PGA5: variants seen among roughly 807,000 people sequenced by gnomAD.
PGA5 encodes pepsinogen A5, also known as pepsin A-5.
In PGA5, 19 loss-of-function variants were observed where a neutral mutation model predicts 15.9. The ratio of observed to expected loss-of-function variants is 1.19; its 90% CI spans 0.83 to 1.75. The LOEUF (loss-of-function observed/expected upper bound fraction) is 1.75, where lower values mean the gene tolerates loss of function less well. Ranked by LOEUF, PGA5 falls within the 40% of genes most tolerant of loss-of-function variation. The probability of loss-of-function intolerance (pLI) is 0.00; values close to 1 mark genes in which losing one functional copy is unlikely to be tolerated. For synonymous variants in PGA5, 92 were observed against 95.8 expected, an observed-to-expected ratio of 0.96 and a Z score of 0.23; for missense variants, 224 against 246.4, an observed-to-expected ratio of 0.91 and a Z score of 0.61.
At chr11:61,247,721 A>C (rs1854083218) in intron 5 of PGA5, among the ~76,000 whole-genome samples, 1 of 152,058 alleles carries the variant, frequency 6.6e-6, no homozygotes, top group Admixed American at 6.5e-5. Flanking sequence ...CTTCTTGGCC[A>C]GTTAATGTTC....
At chr11:61,250,130 C>T (rs563969762) in intron 8 of PGA5, 116 bp downstream of exon 8, 37 of 1,143,066 alleles carry the variant, frequency 3.2e-5, no homozygotes, top group East Asian at 1.8e-4. Flanking sequence ...CAGAGGCAGA[C>T]GAACATCTGC....
chr11:61,247,401 C>T (rs1210116285), intron 5 of PGA5, among the ~76,000 whole-genome samples: 1 of 151,754 alleles, frequency 6.6e-6, no homozygotes, highest in African/African-American at 2.4e-5. Flanking sequence ...CCTCAGCATC[C>T]CGAGTAGCTG....
chr11:61,250,844 C>T, intron 8 of PGA5: 2 of 658,318 alleles, frequency 3.0e-6, no homozygotes, highest in Middle Eastern at 2.4e-4. Context: ...TCCTTCCTAG[C>T]AGCTGAATTC....
Position 61,249,457 on chromosome 11 carries a change from G to A in PGA5, c.774-212G>A, listed in dbSNP as rs573070613. The A allele has an allele frequency of 1.7e-4, 168 of 971,714 alleles. 2 individuals are homozygous for A. In the African/African-American group the frequency reaches 1.9e-3, roughly 11 times the overall value. The allele number at this position is 971,714 out of a possible 1,614,324, so 60.2% of individuals were successfully genotyped here. On this transcript the variant is annotated intron_variant, in intron 6 of 8. Coordinates refer to ENST00000312403, the MANE Select transcript of PGA5 (RefSeq NM_014224.5). ...GTGAGGCTGTCTTGTTTCGCTTGGC[G>A]TTTCCCATGCCTGGCAGAGGGTAGG...
intron 6 of PGA5, 170 bp from the exon 7 acceptor site, chr11:61,249,499 G>T: frequency 7.7e-7 from 1 of 1,290,902 alleles, no homozygotes; most frequent in Non-Finnish European, 1.1e-6. Flanking sequence ...GGAAATATTT[G>T]TAGGGTAAAT....
intron 5 of PGA5, among the ~76,000 whole-genome samples, chr11:61,246,791 AAAT>A (rs1367517010): frequency 3.4e-5 from 5 of 145,498 alleles, no homozygotes; most frequent in Non-Finnish European, 7.6e-5. Context: ...ATAAATAAAT[AAAT>A]AAATAAAATA....
At chr11:61,248,627 C>G (rs559063078) in intron 6 of PGA5, 92 bp downstream of exon 6, 1 of 1,568,306 alleles carries the variant, frequency 6.4e-7, no homozygotes, top group East Asian at 2.2e-5. Context: ...CAGAATCCCC[C>G]CAGGAACAGC....
chr11:61,250,118 G>T (rs1196214295), intron 8 of PGA5, 104 bp downstream of exon 8: 1 of 1,415,826 alleles, frequency 7.1e-7, no homozygotes, highest in Non-Finnish European at 9.7e-7. Context: ...GAAGCCAGCA[G>T]GCAGAGGCAG....
chr11:61,246,659 A>G, intron 5 of PGA5, among the ~76,000 whole-genome samples: 1 of 151,942 alleles, frequency 6.6e-6, no homozygotes, highest in East Asian at 1.9e-4. Context: ...GCTACTCAGG[A>G]GGCTGAGGCA....
At position 61,251,220 on chromosome 11, in the gene PGA5, G is replaced by T. The variant is rs141462851; in HGVS notation, c.1106G>T (p.Arg369Leu). 4.2e-5 allele frequency: 67 copies of T among 1,611,836 alleles called. No homozygotes were observed. The East Asian group carries it at 1.5e-3, about 35-fold the overall frequency. The change falls in exon 9 of 9, where the codon CGC becomes CTC. Residue 369 changes from arginine to leucine, a missense_variant. Transcript: ENST00000312403. ...ELWILGDVFIRQYFTVFDRAN... is the reference protein window; with the variant it reads ...ELWILGDVFILQYFTVFDRAN... ...TGGATCCTGGGTGATGTCTTCATCCGCCAGTACTTTACCGTCTTCGACAGG... is the reference window on the plus strand; with the variant it reads ...TGGATCCTGGGTGATGTCTTCATCCTCCAGTACTTTACCGTCTTCGACAGG...
chr11:61,249,919 G>T lies in PGA5; in HGVS notation c.922G>T (p.Val308Leu). 6.2e-7 allele frequency: 1 copy of T among 1,613,500 alleles called. No homozygotes were observed. Among genetic ancestry groups the T allele is most frequent in the Non-Finnish European group, 8.5e-7 (1 of 1,179,854 alleles). ...GASENSDGDM[V>L]VSCSAISSLP... ...TTCTCACCCTCACTCTTTCCAGATG[G>T]TGGTCAGCTGCTCAGCCATCAGCAG... Residue 308 changes from valine (V) to leucine (L), a missense_variant, in exon 8 of 9, where the codon GTG becomes TTG. By Grantham distance (32) the Val-to-Leu change is conservative. Transcript: ENST00000312403.
rs199739043 is a variant in PGA5, at chr11:61,248,528, G to A, written c.766G>A (p.Val256Met). The A allele has an allele frequency of 8.1e-5, 131 of 1,612,148 alleles. No individual in the cohort carries two copies. The highest frequency in any genetic ancestry group is 2.0e-4 in the Middle Eastern group (1 of 4,898). The change falls in exon 6 of 9, where the codon GTG becomes ATG. Residue 256 changes from valine (V) to methionine (M), a missense_variant. Val to Met is a conservative substitution (Grantham distance 21). Coordinates refer to ENST00000312403, the MANE Select transcript of PGA5 (RefSeq NM_014224.5). ...CGTCGAGGGTTACTGGCAGATCACC[G>A]TGGACAGGTGAGACTGCCATGAACG... ...VTVEGYWQIT[V>M]DSITMNGETI... is the part of the protein sequence containing the mutation.
chr11:61,246,778 T>C (rs1854070585), intron 5 of PGA5, among the ~76,000 whole-genome samples: 1 of 150,380 alleles, frequency 6.6e-6, no homozygotes, highest in South Asian at 2.1e-4. Context: ...AATAAATAAA[T>C]AAATAAATAA....
chr11:61,248,573 C>T, intron 6 of PGA5, 38 bp downstream of exon 6: 1 of 1,608,618 alleles, frequency 6.2e-7, no homozygotes, highest in Non-Finnish European at 8.5e-7. Flanking sequence ...CAGGCCTGGG[C>T]CCCAGATCCC....
At chr11:61,249,871 A>G in intron 7 of PGA5, 45 bp from the exon 8 acceptor site, 1 of 1,613,678 alleles carries the variant, frequency 6.2e-7, no homozygotes, top group Non-Finnish European at 8.5e-7. Flanking sequence ...GCCAGGCAGA[A>G]GCGACGAAAA....
At chr11:61,249,448 T>C in intron 6 of PGA5, 3 of 875,274 alleles carry the variant, frequency 3.4e-6, no homozygotes, top group Non-Finnish European at 5.2e-6. Context: ...CTGTCTTGTT[T>C]CGCTTGGCGT....
chr11:61,247,168 G>A lies in PGA5; in HGVS notation c.656+1023G>A, dbSNP rs1451128982. ...GTGTCTCCTCGGTTGGTAACTACACGTCTAGGTCCTCACTATATTGCCTTG... is the reference window on the plus strand; with the variant it reads ...GTGTCTCCTCGGTTGGTAACTACACATCTAGGTCCTCACTATATTGCCTTG... On this transcript the variant is annotated intron_variant, in intron 5 of 8. Coordinates refer to ENST00000312403, the MANE Select transcript of PGA5 (RefSeq NM_014224.5). Among the ~76,000 whole-genome samples the A allele has an allele frequency of 2.6e-5, 4 of 152,044 alleles. No individual in the cohort carries two copies. The East Asian group carries it at 7.7e-4, about 29-fold the overall frequency.
chr11:61,249,519 A>G lies in PGA5; in HGVS notation c.774-150A>G, dbSNP rs979125466. On this transcript the variant is annotated intron_variant, in intron 6 of 8. Transcript: ENST00000312403. ...TATTTGTAGGGTAAATGAATGCGGG[A>G]TGAATGAGTGCGTGAACGAGAGGAA... 2.8e-6 allele frequency: 4 copies of G among 1,416,442 alleles called. No homozygotes were observed. The African/African-American group carries it at 5.7e-5, about 20-fold the overall frequency. 87.7% of individuals were successfully genotyped at this position (1,416,442 alleles called of 1,614,324 possible). A position where few individuals can be genotyped will look rare whatever the true frequency, so the allele number is the denominator to read the frequency against.
chr11:61,250,379 C>T (rs1010051339), intron 8 of PGA5, among the ~76,000 whole-genome samples: 2 of 151,518 alleles, frequency 1.3e-5, no homozygotes, highest in Non-Finnish European at 2.9e-5. Context: ...GCTTTCCCCA[C>T]CCTCAGAGTG....
Sources: allele counts gnomAD v4.1 joint callset (sites outside exome capture counted in the v4.1 genomes callset), GRCh38; gene constraint gnomAD v4.1.1; transcripts MANE v1.5; gene names NCBI Gene and HGNC (gene_info 2026-07-23, HGNC 2026-07-21).